Variants in KTN1 observed in about 807,000 individuals in gnomAD.
KTN1 encodes the protein kinectin.
KTN1 carries 130 observed loss-of-function variants against 222.5 expected under a neutral mutation model. The observed-to-expected ratio is 0.58, with a 90% CI of 0.51 to 0.68. The LOEUF is 0.68. KTN1 is among the 30% of genes least tolerant of loss of function. The probability of loss-of-function intolerance (pLI) is 0.00; values close to 1 mark genes in which losing one functional copy is unlikely to be tolerated. For missense variants in KTN1, 1,508 were observed against 1,500.4 expected, an observed-to-expected ratio of 1.01 and a Z score of -0.08; for synonymous variants, 512 against 496.3, an observed-to-expected ratio of 1.03 and a Z score of -0.42.
intron 7 of KTN1, among the ~76,000 whole-genome samples, chr14:55,632,518 C>T (rs1021780739): frequency 1.3e-5 from 2 of 151,878 alleles, no homozygotes; most frequent in East Asian, 1.9e-4. Flanking sequence ...GAGTGGTGGT[C>T]GCCAGGGGCT....
intron 1 of KTN1, among the ~76,000 whole-genome samples, chr14:55,599,485 GAC>G (rs1473583828): frequency 6.6e-6 from 1 of 151,116 alleles, no homozygotes; most frequent in Admixed American, 6.6e-5. Context: ...TTTTTTTTGA[GAC>G]AGAGTCTCGT....
chr14:55,645,817 T>C (rs2042228384), intron 18 of KTN1, among the ~76,000 whole-genome samples: 1 of 152,136 alleles, frequency 6.6e-6, no homozygotes, highest in Admixed American at 6.5e-5. Flanking sequence ...ACTTAGGCAT[T>C]AAAGAGAAGG....
At position 55,633,294 on chromosome 14, in the gene KTN1, T is replaced by G. The variant is rs1445024037; in HGVS notation, c.1281T>G (p.Gly427=). The change falls in exon 8 of 44, where the codon GGT becomes GGG. Residue 427 remains glycine, a synonymous_variant. Coordinates refer to ENST00000395314, the MANE Select transcript of KTN1 (RefSeq NM_001079521.2). The part of the protein sequence containing the change: ...AEIAHLKQEN[G]ILRDAVSNTT... ...TAGCTCACTTGAAGCAGGAAAATGG[T>G]ATACTGAGAGATGCAGTCAGCAACA... The G allele has an allele frequency of 6.3e-7, 1 of 1,597,276 alleles. No individual in the cohort carries two copies. The highest frequency in any genetic ancestry group is 8.5e-7 in the Non-Finnish European group (1 of 1,171,936).
At chr14:55,584,500 C>CT (rs1483052267) in intron 1 of KTN1, among the ~76,000 whole-genome samples, 1 of 152,214 alleles carries the variant, frequency 6.6e-6, no homozygotes, top group African/African-American at 2.4e-5. Flanking sequence ...TTTACACTGG[C>CT]TGTTACCCTG....
intron 1 of KTN1, among the ~76,000 whole-genome samples, chr14:55,606,574 CA>C (rs1245201445): frequency 6.6e-6 from 1 of 151,874 alleles, no homozygotes; most frequent in East Asian, 1.9e-4. Context: ...ATAGCAGAAG[CA>C]AGAGCAACTG....
chr14:55,641,640 C>G (rs1344306634), intron 17 of KTN1, 52 bp from the exon 18 acceptor site: 1 of 1,121,596 alleles, frequency 8.9e-7, no homozygotes, highest in Non-Finnish European at 1.4e-6. Context: ...CAAATGATTG[C>G]TTTATTACCT....
chr14:55,648,699 G>A, intron 20 of KTN1, 103 bp from the exon 21 acceptor site: 1 of 769,890 alleles, frequency 1.3e-6, no homozygotes, highest in Non-Finnish European at 2.2e-6. Flanking sequence ...GCCTTCCAGA[G>A]TAGAAAAGAA....
At chr14:55,640,553 T>C in intron 15 of KTN1, 111 bp downstream of exon 15, 1 of 713,700 alleles carries the variant, frequency 1.4e-6, no homozygotes, top group Non-Finnish European at 2.3e-6. Context: ...AATATAATGG[T>C]TTATCATCTT....
intron 1 of KTN1, among the ~76,000 whole-genome samples, chr14:55,584,713 C>T (rs1270707819): frequency 6.6e-6 from 1 of 150,738 alleles, no homozygotes; most frequent in Non-Finnish European, 1.5e-5. Context: ...CCACATAACC[C>T]TCAAACACAG....
Position 55,629,268 on chromosome 14 carries a change from A to G in KTN1, c.1081-689A>G, listed in dbSNP as rs184546999. Among the ~76,000 whole-genome samples the G allele has an allele frequency of 2.7e-3, 413 of 152,134 alleles. 4 individuals carry two copies. The highest frequency in any genetic ancestry group is 9.5e-3 in the South Asian group (46 of 4,820). On this transcript the variant is annotated intron_variant, in intron 6 of 43. Transcript: ENST00000395314. ...CGTCTCTAATAAAAATACAAAAAAA[A>G]TTAGCCGGGCATGGTGGTGGGTGCC...
At position 55,651,943 on chromosome 14, in the gene KTN1, CT is replaced by C; in HGVS notation, c.2603+17del. ...TTCAGAACTTGTAAGTACCATTTAT[CT>C]CATTTCCTTTTACTATTTCTTTTTC... is the stretch of plus-strand genomic sequence containing the variant. On this transcript the variant is annotated intron_variant, in intron 25 of 43. Transcript: ENST00000395314. 1 of 1,493,258 alleles carries C rather than the reference CT, an allele frequency of 6.7e-7. No individual in the cohort carries two copies. The highest frequency in any genetic ancestry group is 9.2e-7 in the Non-Finnish European group (1 of 1,082,642). 92.5% of individuals were successfully genotyped at this position (1,493,258 alleles called of 1,614,324 possible).
chr14:55,595,939 G>T (rs2034942444), intron 1 of KTN1, among the ~76,000 whole-genome samples: 1 of 151,990 alleles, frequency 6.6e-6, no homozygotes, highest in African/African-American at 2.4e-5. Context: ...CGGATCATGA[G>T]GTCAGGAGAT....
chr14:55,628,748 A>C (rs1248898976), intron 6 of KTN1, among the ~76,000 whole-genome samples: 1 of 152,220 alleles, frequency 6.6e-6, no homozygotes, highest in Admixed American at 6.5e-5. Context: ...AAAAGTTGGC[A>C]AGATTAATTA....
rs2037742766 is a variant in KTN1 at position 55,612,563 on chromosome 14, A to T, written c.515A>T (p.Asn172Ile). ...KKKPGQKKSK[N>I]GSDDQDKKVE... is the part of the protein sequence containing the mutation. ...AAACCAGGGCAGAAGAAGTCTAAAA[A>T]TGGAAGCGGTATTGTAATCTATTTA... The change falls in exon 2 of 44, where the codon AAT (asparagine) becomes ATT (isoleucine). Residue 172 changes from asparagine to isoleucine, a missense_variant. Coordinates refer to ENST00000395314, the MANE Select transcript of KTN1 (RefSeq NM_001079521.2). 1 of 1,579,270 alleles carries T rather than the reference A, an allele frequency of 6.3e-7. No individual in the cohort carries two copies. Among genetic ancestry groups the T allele is most frequent in the Admixed American group, 2.0e-5 (1 of 48,942 alleles).
At chr14:55,601,816 A>T (rs2036015954) in intron 1 of KTN1, 2 of 152,046 alleles carry the variant, frequency 1.3e-5, no homozygotes, top group African/African-American at 4.8e-5. Flanking sequence ...GCTTGCTGCA[A>T]CCCTTTGCCT....
intron 7 of KTN1, among the ~76,000 whole-genome samples, 174 bp from the exon 8 acceptor site, chr14:55,633,061 A>C (rs948092002): frequency 1.3e-5 from 2 of 152,228 alleles, no homozygotes; most frequent in Non-Finnish European, 2.9e-5. Context: ...TTTGATTTGC[A>C]TTCATCACTA....
intron 1 of KTN1, among the ~76,000 whole-genome samples, chr14:55,587,184 A>C (rs906647397): frequency 3.9e-5 from 6 of 152,214 alleles, no homozygotes; most frequent in Non-Finnish European, 8.8e-5. Context: ...CTGATGCTTG[A>C]AAATGATTGG....
In KTN1 at chr14:55,678,415, A is replaced by G. The variant is rs776777622; in HGVS notation, c.3919A>G (p.Ile1307Val). The G allele has an allele frequency of 9.3e-6, 15 of 1,610,456 alleles. No homozygotes were observed. The highest frequency in any genetic ancestry group is 1.0e-5 in the Non-Finnish European group (12 of 1,176,696). ...AAAAGCTGCTGGAGACACTACTGTT[A>G]TTGAAAATAGTGATGTTTCCCCAGA... is the stretch of plus-strand genomic sequence containing the variant. ...IVKAAGDTTVIENSDVSPETE... is the reference protein window; with the variant it reads ...IVKAAGDTTVVENSDVSPETE... The change falls in exon 42 of 44, where the codon ATT (isoleucine) becomes GTT (valine). Residue 1307 changes from isoleucine (I) to valine (V), a missense_variant. By Grantham distance (29) the Ile-to-Val change is conservative. Transcript: ENST00000395314.
At chr14:55,597,790 G>A (rs1452265806) in intron 1 of KTN1, among the ~76,000 whole-genome samples, 1 of 151,974 alleles carries the variant, frequency 6.6e-6, no homozygotes, top group Non-Finnish European at 1.5e-5. Context: ...GGAGGGGGAG[G>A]ATGCAGTGAG....
Sources: gnomAD v4.1 joint callset for allele counts (sites outside exome capture counted in the v4.1 genomes callset) on GRCh38, gnomAD v4.1.1 for gene constraint, MANE v1.5 for transcripts, NCBI Gene and HGNC (gene_info 2026-07-23, HGNC 2026-07-21) for gene names.